IPO9: variants seen among roughly 807,000 people sequenced by gnomAD.
IPO9 encodes the protein importin 9, also known as importin-9.
IPO9 carries 28 observed loss-of-function variants against 128.6 expected under a neutral mutation model. The observed-to-expected ratio is 0.22, with a 90% CI of 0.16 to 0.30. The LOEUF (loss-of-function observed/expected upper bound fraction) is 0.30. IPO9 is among the 10% of genes least tolerant of loss of function. The probability of loss-of-function intolerance (pLI) is 1.00; values close to 1 mark genes in which losing one functional copy is unlikely to be tolerated. For synonymous variants in IPO9, 455 were observed against 475.8 expected (o/e 0.96, Z 0.57); for missense variants, 935 against 1,293.9 (o/e 0.72, Z 4.26).
intron 1 of IPO9, among the ~76,000 whole-genome samples, chr1:201,834,170 GT>G (rs1175613215): frequency 1.4e-5 from 2 of 145,254 alleles, no homozygotes; most frequent in Non-Finnish European, 1.5e-5. Flanking sequence ...TTTTTTTTAA[GT>G]TTTTTTATTC....
intron 23 of IPO9, 33 bp downstream of exon 23, chr1:201,875,261 A>C (rs554839607): frequency 6.4e-7 from 1 of 1,568,526 alleles, no homozygotes; most frequent in African/African-American, 1.3e-5. Context: ...TGCAAATGAC[A>C]ATGTCCCAGG....
In IPO9 at chr1:201,848,674, G is replaced by A. The variant is rs1481945131; in HGVS notation, c.514+80G>A. The A allele has an allele frequency of 8.7e-6, 12 of 1,381,710 alleles. No individual in the cohort carries two copies. The East Asian group carries it at 2.8e-4, about 32-fold the overall frequency. 85.6% of individuals were successfully genotyped at this position (1,381,710 alleles called of 1,614,324 possible). A position where few individuals can be genotyped will look rare whatever the true frequency, so the allele number is the denominator to read the frequency against. ...ATTACCAGAAGCTATGTGATATAAT[G>A]GCCTGGACCAGTAGGAATTGCTGCT... is the stretch of plus-strand genomic sequence containing the variant. On this transcript the variant is annotated intron_variant, in intron 4 of 23. Coordinates refer to ENST00000361565, the MANE Select transcript of IPO9 (RefSeq NM_018085.5).
Position 201,829,329 on chromosome 1 carries a change from G to C in IPO9, c.120G>C (p.Arg40=). ...TGILSPVQEV[R]AAAEEQIKVL... ...TCCTATCCCCAGTACAGGAGGTGCG[G>C]GCGGCTGCTGAAGAACAGATTAAGG... The change falls in exon 1 of 24, where the codon CGG becomes CGC. Residue 40 remains arginine (R), a synonymous_variant. Coordinates refer to ENST00000361565, the MANE Select transcript of IPO9 (RefSeq NM_018085.5). 6.3e-7 allele frequency: 1 copy of C among 1,591,522 alleles called. No homozygotes were observed. Among genetic ancestry groups the C allele is most frequent in the Non-Finnish European group, 8.5e-7 (1 of 1,170,218 alleles).
intron 1 of IPO9, among the ~76,000 whole-genome samples, chr1:201,834,201 T>A (rs61821756): frequency 0.32 from 42,439 of 133,658 alleles, 6,458 homozygotes; most frequent in East Asian, 0.44. Context: ...AAAAAACTTT[T>A]CTTTTCTTTT....
chr1:201,881,352 T>A lies in IPO9; in HGVS notation c.*5298T>A, dbSNP rs1680880721. The A allele has an allele frequency of 6.6e-6, 1 of 152,224 alleles. No homozygotes were observed. Among genetic ancestry groups the A allele is most frequent in the Non-Finnish European group, 1.5e-5 (1 of 68,040 alleles). 9.4% of individuals were successfully genotyped at this position (152,224 alleles called of 1,614,324 possible). On this transcript the variant is annotated 3_prime_UTR_variant, in exon 24 of 24. Transcript: ENST00000361565. Reference sequence around the variant, plus strand: ...CTGAAGCAGACAGATATTGTTAACCTATCAAAGGTCACCCTGCAAGTGTGT... The same window carrying A: ...CTGAAGCAGACAGATATTGTTAACCAATCAAAGGTCACCCTGCAAGTGTGT...
rs549697782 is a variant in IPO9, at chr1:201,846,733, G to T, written c.164-546G>T. Reference sequence around the variant, plus strand: ...CTCCCAGGCTGGAGTACAATGGTGCGATCTCAGCTCACTGCAACCTCGTCC... The same window carrying T: ...CTCCCAGGCTGGAGTACAATGGTGCTATCTCAGCTCACTGCAACCTCGTCC... On this transcript the variant is annotated intron_variant, in intron 1 of 23. Transcript: ENST00000361565. 1.6e-3 allele frequency among the ~76,000 whole-genome samples: 240 copies of T among 152,094 alleles called. 1 individual carries two copies. The highest frequency in any genetic ancestry group is 5.6e-3 in the African/African-American group (234 of 41,502).
chr1:201,874,408 C>G (rs1680719700), intron 21 of IPO9, 36 bp downstream of exon 21: 19 of 1,572,420 alleles, frequency 1.2e-5, no homozygotes, highest in Non-Finnish European at 1.6e-5. Flanking sequence ...GACTTTTAGC[C>G]TGGCAGATCA....
chr1:201,859,675 G>A (rs1286628861), intron 13 of IPO9, among the ~76,000 whole-genome samples: 2 of 152,102 alleles, frequency 1.3e-5, no homozygotes, highest in Admixed American at 6.6e-5. Flanking sequence ...AAAGAAAAAA[G>A]TAGGCCAGGC....
rs979036796 is a variant in IPO9, at chr1:201,835,567, A to G, written c.163+6195A>G. ...GAACTGTCCTTATTTCACCATGGGA[A>G]AGGGAACTAGAGAAATTAAATTTCC... On this transcript the variant is annotated intron_variant, in intron 1 of 23. Transcript: ENST00000361565. Among the ~76,000 whole-genome samples, 6 of 152,244 alleles carry G rather than the reference A, an allele frequency of 3.9e-5. No individual in the cohort carries two copies. The East Asian group carries it at 1.2e-3, about 29-fold the overall frequency.
intron 1 of IPO9, among the ~76,000 whole-genome samples, chr1:201,846,192 A>T (rs1052599111): frequency 3.9e-5 from 6 of 152,184 alleles, no homozygotes; most frequent in African/African-American, 1.4e-4. Flanking sequence ...CCCAATGTGC[A>T]GTTCAAGTTC....
intron 1 of IPO9, among the ~76,000 whole-genome samples, chr1:201,841,530 C>T (rs984041915): frequency 2.6e-5 from 4 of 152,074 alleles, no homozygotes; most frequent in South Asian, 2.1e-4. Context: ...TCTCTGAGAA[C>T]GCCTAGGAAT....
chr1:201,866,809 A>G lies in IPO9; in HGVS notation c.1705A>G (p.Ile569Val), dbSNP rs377180836. Residue 569 changes from isoleucine (I) to valine (V), a missense_variant, in exon 15 of 24, where the codon ATT becomes GTT. Ile to Val is a conservative substitution (Grantham distance 29). Coordinates refer to ENST00000361565, the MANE Select transcript of IPO9 (RefSeq NM_018085.5). ...PFLPSILDGL[I>V]HLAAQFSSEV... is the part of the protein sequence containing the mutation. ...CCTCCCCAGCATCCTTGATGGCTTA[A>G]TTCACCTAGCAGCCCAGTTCAGCTC... 7.4e-6 allele frequency: 12 copies of G among 1,614,014 alleles called. No homozygotes were observed. The highest frequency in any genetic ancestry group is 1.7e-5 in the Admixed American group (1 of 59,996).
chr1:201,858,364 C>A (rs1007879970), intron 11 of IPO9, 83 bp from the exon 12 acceptor site: 2 of 692,072 alleles, frequency 2.9e-6, no homozygotes, highest in Admixed American at 5.4e-5. Context: ...CCAATCACTT[C>A]TAACAGTCAT....
At position 201,829,257 on chromosome 1, in the gene IPO9, A is replaced by T; in HGVS notation, c.48A>T (p.Pro16=). The T allele has an allele frequency of 6.3e-7, 1 of 1,590,458 alleles. No homozygotes were observed. The highest frequency in any genetic ancestry group is 8.5e-7 in the Non-Finnish European group (1 of 1,170,962). The change falls in exon 1 of 24, where the codon CCA becomes CCT. Residue 16 remains proline, a synonymous_variant. Transcript: ENST00000361565. ...GTGCGGCCTCCGGGCTGCCGGGTCC[A>T]GTGGCACAAGGATTAAAGGAAGCGT... is the stretch of plus-strand genomic sequence containing the variant. ...AAGAASGLPG[P]VAQGLKEALV... is the part of the protein sequence containing the mutation.
chr1:201,852,002 CTGTT>C, intron 4 of IPO9, 98 bp from the exon 5 acceptor site: 1 of 660,984 alleles, frequency 1.5e-6, no homozygotes, highest in Admixed American at 2.5e-5. Context: ...TGTGTGCTGT[CTGTT>C]TGGGAACTGC....
At position 201,863,434 on chromosome 1, in the gene IPO9, T is replaced by C; in HGVS notation, c.1469-14T>C. 1 of 1,555,576 alleles carries C rather than the reference T, an allele frequency of 6.4e-7. No individual in the cohort carries two copies. Among genetic ancestry groups the C allele is most frequent in the Non-Finnish European group, 8.8e-7 (1 of 1,136,370 alleles). On this transcript the variant is annotated splice_polypyrimidine_tract_variant and intron_variant, in intron 13 of 23. Transcript: ENST00000361565. ...TTCATTTTCCAGCCCCTAATTGTTC[T>C]GTCTTTCTCCCAGTGTCTCCTTTCC...
Position 201,870,956 on chromosome 1 carries a change from G to T in IPO9, c.2409+98G>T. ...GTTATTTTATTTTACCCTCTTACTA[G>T]CCTTGTAGGACAGTTAAGTAAAATG... On this transcript the variant is annotated intron_variant, in intron 18 of 23. Transcript: ENST00000361565. This position sits in a 1 kb window ranked among gnomAD's most constrained non-coding sequence, Gnocchi z 4.9. 7.0e-7 allele frequency: 1 copy of T among 1,419,352 alleles called. No homozygotes were observed. 87.9% of individuals were successfully genotyped at this position (1,419,352 alleles called of 1,614,324 possible). A position where few individuals can be genotyped will look rare whatever the true frequency, so the allele number is the denominator to read the frequency against.
chr1:201,852,122 C>A lies in IPO9; in HGVS notation c.533C>A (p.Thr178Lys). 6.2e-7 allele frequency: 1 copy of A among 1,610,856 alleles called. No homozygotes were observed. Among genetic ancestry groups the A allele is most frequent in the Non-Finnish European group, 8.5e-7 (1 of 1,177,286 alleles). ...RVLTEFTREVTDTQMPLVAPV... is the reference protein window; with the variant it reads ...RVLTEFTREVKDTQMPLVAPV... ...TTTGTAGAATTCACTCGTGAAGTAA[C>A]AGACACACAGATGCCACTTGTTGCT... Residue 178 changes from threonine (T) to lysine (K), a missense_variant, in exon 5 of 24, where the codon ACA becomes AAA. By Grantham distance (78) the Thr-to-Lys change is moderately conservative. Coordinates refer to ENST00000361565, the MANE Select transcript of IPO9 (RefSeq NM_018085.5).
intron 1 of IPO9, among the ~76,000 whole-genome samples, chr1:201,838,010 C>T (rs920003064): frequency 6.6e-6 from 1 of 152,018 alleles, no homozygotes; most frequent in Non-Finnish European, 1.5e-5. Context: ...GTGGAGGTTG[C>T]GGTGAGCTGA....
Sources: gnomAD v4.1 joint callset for allele counts (sites outside exome capture counted in the v4.1 genomes callset) on GRCh38, gnomAD v4.1.1 for gene constraint, Gnocchi (gnomAD v3.1) non-coding constraint, MANE v1.5 for transcripts, NCBI Gene and HGNC (gene_info 2026-07-23, HGNC 2026-07-21) for gene names.